Variants in PDLIM5 observed in about 807,000 individuals in gnomAD.
PDLIM5 encodes the protein PDZ and LIM domain 5, also known as PDZ and LIM domain protein 5.
In PDLIM5, 34 loss-of-function variants were observed where a neutral mutation model predicts 64.2. The ratio of observed to expected loss-of-function variants is 0.53; its 90% confidence interval spans 0.40 to 0.71. PDLIM5 has a LOEUF of 0.71. Ranked by LOEUF, PDLIM5 falls within the 30% of genes least tolerant of loss-of-function variation. The pLI is 0.00. For synonymous variants in PDLIM5, 253 were observed against 269.1 expected, an observed-to-expected ratio of 0.94 and a Z score of 0.59; for missense variants, 683 against 733.6, an observed-to-expected ratio of 0.93 and a Z score of 0.80.
chr4:94,623,124 A>T (rs1241886901), intron 8 of PDLIM5, among the ~76,000 whole-genome samples: 1 of 152,190 alleles, frequency 6.6e-6, no homozygotes, highest in African/African-American at 2.4e-5. Context: ...TTAATAACTT[A>T]CATTGTTACT....
At chr4:94,515,696 C>G (rs1467130605) in intron 2 of PDLIM5, among the ~76,000 whole-genome samples, 1 of 152,186 alleles carries the variant, frequency 6.6e-6, no homozygotes, top group Admixed American at 6.5e-5. Context: ...AATTTGCATA[C>G]AATTTCAGAA....
chr4:94,532,550 G>T (rs928644737), intron 3 of PDLIM5, among the ~76,000 whole-genome samples: 5 of 152,156 alleles, frequency 3.3e-5, no homozygotes, highest in African/African-American at 1.2e-4. Context: ...AGAAACACTT[G>T]CGCCTGGGTC....
At chr4:94,630,885 A>G (rs1740092469) in intron 8 of PDLIM5, among the ~76,000 whole-genome samples, 2 of 152,142 alleles carry the variant, frequency 1.3e-5, no homozygotes, top group Non-Finnish European at 2.9e-5. Flanking sequence ...TAGATTTAGT[A>G]CTTTAAGCCT....
At chr4:94,452,419 T>C (rs1722939545) in intron 1 of PDLIM5, among the ~76,000 whole-genome samples, 2 of 152,128 alleles carry the variant, frequency 1.3e-5, no homozygotes, top group South Asian at 2.1e-4. Flanking sequence ...CCTGCGCCAG[T>C]CTCTTGGAGG....
At chr4:94,480,437 G>A (rs1725746585) in intron 2 of PDLIM5, among the ~76,000 whole-genome samples, 1 of 152,184 alleles carries the variant, frequency 6.6e-6, no homozygotes. Context: ...TGGGTATATG[G>A]TGGGGCAATC....
chr4:94,655,002 A>G (rs1203490347), intron 10 of PDLIM5, among the ~76,000 whole-genome samples: 1 of 152,158 alleles, frequency 6.6e-6, no homozygotes, highest in East Asian at 1.9e-4. Context: ...TGACACCTTC[A>G]CTGTTTTAAA....
intron 2 of PDLIM5, among the ~76,000 whole-genome samples, chr4:94,521,349 A>G (rs1045234323): frequency 1.3e-5 from 2 of 152,124 alleles, no homozygotes; most frequent in Admixed American, 6.5e-5. Context: ...CAAGTAGGCT[A>G]TAGGCAAGAG....
intron 7 of PDLIM5, among the ~76,000 whole-genome samples, chr4:94,595,253 A>G (rs528756227): frequency 6.6e-6 from 1 of 152,224 alleles, no homozygotes; most frequent in African/African-American, 2.4e-5. Context: ...GAGCCAAACC[A>G]TATCAATGGT....
At chr4:94,528,074 C>G (rs1234221218) in intron 3 of PDLIM5, among the ~76,000 whole-genome samples, 1 of 152,162 alleles carries the variant, frequency 6.6e-6, no homozygotes, top group African/African-American at 2.4e-5. Flanking sequence ...ATTGTCCTCT[C>G]CAGATCACCA....
At chr4:94,575,456 T>C (rs1472380996) in intron 4 of PDLIM5, among the ~76,000 whole-genome samples, 160 bp from the exon 5 acceptor site, 1 of 152,214 alleles carries the variant, frequency 6.6e-6, no homozygotes, top group Non-Finnish European at 1.5e-5. Flanking sequence ...ATGCACGTTA[T>C]GCTTTATCAG....
chr4:94,497,651 C>T (rs966135610), intron 2 of PDLIM5, among the ~76,000 whole-genome samples: 3 of 152,126 alleles, frequency 2.0e-5, no homozygotes, highest in Non-Finnish European at 2.9e-5. Context: ...TTTGGTTTGT[C>T]TTCAGTGCAT....
chr4:94,543,581 C>A (rs1406026073), intron 3 of PDLIM5, among the ~76,000 whole-genome samples: 1 of 152,112 alleles, frequency 6.6e-6, no homozygotes, highest in African/African-American at 2.4e-5. Context: ...TGACCAACAT[C>A]TCCCCAGCCC....
At chr4:94,638,841 A>G (rs1347640967) in intron 8 of PDLIM5, among the ~76,000 whole-genome samples, 8 of 152,088 alleles carry the variant, frequency 5.3e-5, no homozygotes, top group Non-Finnish European at 4.4e-5. Context: ...TCATTCATTT[A>G]TTCTCTCCAG....
chr4:94,491,663 T>G (rs1013228603), intron 2 of PDLIM5, among the ~76,000 whole-genome samples: 2 of 152,176 alleles, frequency 1.3e-5, no homozygotes, highest in South Asian at 4.1e-4. Flanking sequence ...TCATGGAAGT[T>G]AGGGGTTTCT....
At chr4:94,585,142 G>A (rs6841895) in intron 5 of PDLIM5, 26,210 of 552,832 alleles carry the variant, frequency 0.047, 974 homozygotes, top group African/African-American at 0.13. Flanking sequence ...CCAGGCTGGA[G>A]TGCAGTGGTG....
chr4:94,654,616 T>G lies in PDLIM5; in HGVS notation c.1440T>G (p.Gly480=). The part of the protein sequence containing the change: ...CYEKFFAPEC[G]RCQRKILGEV... Reference sequence around the variant, plus strand: ...AGAAATTCTTTGCCCCTGAATGTGGTCGATGCCAAAGGAAGATCCTTGGAG... The same window carrying G: ...AGAAATTCTTTGCCCCTGAATGTGGGCGATGCCAAAGGAAGATCCTTGGAG... The change falls in exon 10 of 13, where the codon GGT becomes GGG. Residue 480 remains glycine (G), a synonymous_variant. Transcript: ENST00000317968. 2 of 1,611,572 alleles carry G rather than the reference T, an allele frequency of 1.2e-6. No homozygotes were observed.
chr4:94,568,539 A>C (rs1217117143), intron 3 of PDLIM5, among the ~76,000 whole-genome samples: 1 of 152,136 alleles, frequency 6.6e-6, no homozygotes, highest in Non-Finnish European at 1.5e-5. Flanking sequence ...TTCTGATATA[A>C]AAATTTTATA....
intron 9 of PDLIM5, among the ~76,000 whole-genome samples, chr4:94,648,283 C>CAAATTACTAAAAATGACGAT (rs1741572990): frequency 6.6e-6 from 1 of 151,706 alleles, no homozygotes; most frequent in Non-Finnish European, 1.5e-5. Context: ...AAAAAGAAGA[C>CAAATTACTAAAAATGACGAT]TCAAATTACT....
intron 3 of PDLIM5, among the ~76,000 whole-genome samples, chr4:94,569,414 G>A (rs924419521): frequency 6.6e-6 from 1 of 152,086 alleles, no homozygotes; most frequent in African/African-American, 2.4e-5. Context: ...CTGCCTCCCA[G>A]GTTCAAGCAG....
Sources: allele counts gnomAD v4.1 joint callset (sites outside exome capture counted in the v4.1 genomes callset), GRCh38; gene constraint gnomAD v4.1.1; transcripts MANE v1.5; gene names NCBI Gene and HGNC (gene_info 2026-07-23, HGNC 2026-07-21).